The following PKHD1 variants were observed in gnomAD, a reference collection of about 807,000 sequenced individuals.
The protein encoded by PKHD1 is fibrocystin.
PKHD1 carries 291 observed loss-of-function variants against 412.0 expected under a neutral mutation model. The ratio of observed to expected loss-of-function variants is 0.71; its 90% CI spans 0.64 to 0.78. PKHD1 has a LOEUF of 0.78. PKHD1 is among the 30% of genes least tolerant of loss of function. The pLI is 0.00. For missense variants in PKHD1, 4,825 were observed against 4,950.7 expected (o/e 0.97, Z 0.76); for synonymous variants, 1,777 against 1,821.5 (o/e 0.98, Z 0.62).
intron 36 of PKHD1, among the ~76,000 whole-genome samples, chr6:51,953,519 T>C (rs1359732146): frequency 6.6e-6 from 1 of 151,904 alleles, no homozygotes; most frequent in Non-Finnish European, 1.5e-5. Context: ...AAGCATTATC[T>C]GAAGCATGCA....
chr6:52,073,166 A>AAAGG (rs1461424135), intron 7 of PKHD1, among the ~76,000 whole-genome samples: 3 of 152,212 alleles, frequency 2.0e-5, no homozygotes, highest in African/African-American at 7.2e-5. Flanking sequence ...GCTGAGAAAC[A>AAAGG]AAGGAAGGAA....
At chr6:52,020,369 G>A (rs1012319708) in intron 33 of PKHD1, among the ~76,000 whole-genome samples, 3 of 152,168 alleles carry the variant, frequency 2.0e-5, no homozygotes, top group Admixed American at 2.0e-4. Flanking sequence ...CGATACACAG[G>A]CATCTTACGA....
At chr6:51,799,949 C>T (rs187439348) in intron 52 of PKHD1, among the ~76,000 whole-genome samples, 54 of 152,224 alleles carry the variant, frequency 3.5e-4, no homozygotes, top group African/African-American at 1.3e-3. Flanking sequence ...TACAGATATT[C>T]CACCCTATCC....
At position 51,615,789 on chromosome 6, in the gene PKHD1, T is replaced by G. The variant is rs751292630; in HGVS notation, c.*3292A>C. 1.3e-5 allele frequency: 2 copies of G among 152,146 alleles called. No individual in the cohort carries two copies. Among genetic ancestry groups the G allele is most frequent in the African/African-American group, 4.8e-5 (2 of 41,432 alleles). 9.4% of individuals were successfully genotyped at this position (152,146 alleles called of 1,614,324 possible). A position where few individuals can be genotyped will look rare whatever the true frequency, so the allele number is the denominator to read the frequency against. On this transcript the variant is annotated 3_prime_UTR_variant, in exon 67 of 67. Coordinates refer to ENST00000371117, the MANE Select transcript of PKHD1 (RefSeq NM_138694.4). ...TGAAAGGGGAAGGCCCTGAGAGAGC[T>G]CAACTGTTCTTGGTCCTTGGTGGCC...
intron 60 of PKHD1, among the ~76,000 whole-genome samples, chr6:51,693,704 G>C (rs1375912485): frequency 6.6e-6 from 1 of 152,166 alleles, no homozygotes; most frequent in Non-Finnish European, 1.5e-5. Context: ...CAGTGGTATA[G>C]CCATTACCTC....
intron 36 of PKHD1, among the ~76,000 whole-genome samples, chr6:51,948,268 G>C (rs1423893877): frequency 1.3e-5 from 2 of 152,084 alleles, no homozygotes; most frequent in African/African-American, 2.4e-5. Context: ...TTACCTCTCT[G>C]CCAAAATTCT....
At chr6:51,749,824 G>A (rs969639435) in intron 57 of PKHD1, among the ~76,000 whole-genome samples, 8 of 152,180 alleles carry the variant, frequency 5.3e-5, no homozygotes, top group Non-Finnish European at 1.2e-4. Context: ...TTATGATTCA[G>A]ATAACTGCCC....
At chr6:51,680,837 G>A (rs961093940) in intron 60 of PKHD1, among the ~76,000 whole-genome samples, 13 of 152,004 alleles carry the variant, frequency 8.6e-5, no homozygotes, top group Admixed American at 2.0e-4. Context: ...AACGGTTAAC[G>A]TTTTGCTCTG....
At chr6:51,893,432 A>G (rs149651158) in intron 43 of PKHD1, among the ~76,000 whole-genome samples, 170 of 152,352 alleles carry the variant, frequency 1.1e-3, no homozygotes, top group African/African-American at 4.0e-3. Flanking sequence ...AGGAGACTGC[A>G]ACTTTGGTCC....
At chr6:51,722,141 G>T in intron 60 of PKHD1, 5 of 1,528,146 alleles carry the variant, frequency 3.3e-6, no homozygotes, top group Non-Finnish European at 4.5e-6. Flanking sequence ...CCCACACCTT[G>T]TAATATCCGA....
At chr6:51,975,626 T>TAAAAAAAAAAAAAAAAA (rs750698580) in intron 35 of PKHD1, 1 of 128,478 alleles carries the variant, frequency 7.8e-6, no homozygotes, top group Non-Finnish European at 1.6e-5. Flanking sequence ...CTATCAGCCA[T>TAAAAAAAAAAAAAAAAA]AAAAAAAAAA....
intron 57 of PKHD1, among the ~76,000 whole-genome samples, chr6:51,749,283 A>G (rs879375573): frequency 6.6e-6 from 1 of 152,190 alleles, no homozygotes; most frequent in Non-Finnish European, 1.5e-5. Flanking sequence ...CTATATTTTT[A>G]TCCTGACTAC....
intron 60 of PKHD1, among the ~76,000 whole-genome samples, chr6:51,683,919 T>A (rs1468950078): frequency 6.6e-6 from 1 of 152,046 alleles, no homozygotes; most frequent in Non-Finnish European, 1.5e-5. Flanking sequence ...TCTCCTTCTC[T>A]TTTAGAGACA....
At chr6:51,714,704 A>ACGTT (rs1163997822) in intron 60 of PKHD1, among the ~76,000 whole-genome samples, 2 of 152,308 alleles carry the variant, frequency 1.3e-5, no homozygotes, top group African/African-American at 4.8e-5. Context: ...CCAATATAGA[A>ACGTT]CGTTCCATCA....
chr6:51,886,219 C>T (rs976776939), intron 44 of PKHD1, among the ~76,000 whole-genome samples: 2 of 152,146 alleles, frequency 1.3e-5, no homozygotes, highest in Admixed American at 1.3e-4. Flanking sequence ...CTCCCAGGGG[C>T]TCTGCATATT....
chr6:51,993,274 T>G (rs566943218), intron 35 of PKHD1, among the ~76,000 whole-genome samples: 3 of 152,326 alleles, frequency 2.0e-5, no homozygotes, highest in Admixed American at 2.0e-4. Context: ...TGGCCAGAGC[T>G]CCCAGGAGCC....
chr6:51,759,865 C>G (rs1265199891), intron 55 of PKHD1, among the ~76,000 whole-genome samples: 1 of 152,142 alleles, frequency 6.6e-6, no homozygotes, highest in African/African-American at 2.4e-5. Context: ...AACCACCTAA[C>G]TAGAATTAGT....
chr6:51,624,282 A>C (rs936545398), intron 66 of PKHD1, among the ~76,000 whole-genome samples: 1 of 152,214 alleles, frequency 6.6e-6, no homozygotes, highest in Non-Finnish European at 1.5e-5. Context: ...GTCTTGTGGG[A>C]CAACTACTAT....
intron 20 of PKHD1, among the ~76,000 whole-genome samples, chr6:52,053,498 A>G (rs547211410): frequency 6.6e-6 from 1 of 152,238 alleles, no homozygotes; most frequent in Admixed American, 6.5e-5. Flanking sequence ...CATGACATGC[A>G]ATGTCAGCAG....
Sources: gnomAD v4.1 joint callset for allele counts (sites outside exome capture counted in the v4.1 genomes callset) on GRCh38, gnomAD v4.1.1 for gene constraint, MANE v1.5 for transcripts, NCBI Gene and HGNC (gene_info 2026-07-23, HGNC 2026-07-21) for gene names.